The following JMJD1C variants were observed in gnomAD, a reference collection of about 807,000 sequenced individuals.
The protein encoded by JMJD1C is jumonji domain containing 1C.
JMJD1C carries 31 observed loss-of-function variants against 245.3 expected under a neutral mutation model. The observed-to-expected ratio is 0.13, with a 90% CI of 0.09 to 0.17. The LOEUF (loss-of-function observed/expected upper bound fraction) is 0.17, where lower values mean the gene tolerates loss of function less well. Among genes scored for constraint, JMJD1C ranks in the 10% least tolerant of loss-of-function variants. The pLI is 1.00. For synonymous variants in JMJD1C, 1,057 were observed against 1,017.4 expected (o/e 1.04, Z -0.74); for missense variants, 2,691 against 3,000.2 (o/e 0.90, Z 2.41).
chr10:63,177,891 A>C, intron 22 of JMJD1C, 35 bp from the exon 23 acceptor site: 1 of 1,604,448 alleles, frequency 6.2e-7, no homozygotes, highest in Non-Finnish European at 8.5e-7. Context: ...AATTGTCGGC[A>C]AAGAATACCA....
At chr10:63,472,693 T>C (rs1240446594) in intron 1 of JMJD1C, among the ~76,000 whole-genome samples, 1 of 152,224 alleles carries the variant, frequency 6.6e-6, no homozygotes, top group Non-Finnish European at 1.5e-5. Flanking sequence ...TATGCTAATA[T>C]ATTTATGTTG....
At chr10:63,244,845 A>C (rs1851968861) in intron 3 of JMJD1C, among the ~76,000 whole-genome samples, 1 of 151,438 alleles carries the variant, frequency 6.6e-6, no homozygotes. Context: ...GAACAATTAA[A>C]AGAAATTAAG....
In JMJD1C at chr10:63,226,961, G is replaced by A. The variant is rs141535516; in HGVS notation, c.448-6978C>T. 3.2e-3 allele frequency among the ~76,000 whole-genome samples: 490 copies of A among 152,144 alleles called. 2 individuals carry two copies. The highest frequency in any genetic ancestry group is 0.011 in the African/African-American group (472 of 41,504). ...TGCGCATCTATAATCCCAGCTACTC[G>A]GGAGGCTGAGGCAGGAGAATCCCTT... On this transcript the variant is annotated intron_variant, in intron 3 of 25. Coordinates refer to ENST00000399262, the MANE Select transcript of JMJD1C (RefSeq NM_032776.3).
In JMJD1C at chr10:63,214,690, A is replaced by G. The variant is rs746028406; in HGVS notation, c.1477T>C (p.Leu493=). 6.2e-7 allele frequency: 1 copy of G among 1,613,954 alleles called. No individual in the cohort carries two copies. Among genetic ancestry groups the G allele is most frequent in the Admixed American group, 1.7e-5 (1 of 60,012 alleles). Reference sequence around the variant, plus strand: ...GATACAAACTTCTCCTTTGGTAGCAATTCCATGGTATGTGTTTTATCCATA... The same window carrying G: ...GATACAAACTTCTCCTTTGGTAGCAGTTCCATGGTATGTGTTTTATCCATA... ...CNMDKTHTME[L]LPKEKFVSRP... The change falls in exon 8 of 26, where the codon TTG becomes CTG. Residue 493 remains leucine, a synonymous_variant. Transcript: ENST00000399262.
chr10:63,394,977 G>GA (rs1455411904), intron 1 of JMJD1C, among the ~76,000 whole-genome samples: 7 of 151,692 alleles, frequency 4.6e-5, no homozygotes, highest in Non-Finnish European at 1.0e-4. Flanking sequence ...TTTCACAAAA[G>GA]ACTTGTATCA....
chr10:63,206,393 G>T (rs1342637653), intron 10 of JMJD1C, among the ~76,000 whole-genome samples: 1 of 152,150 alleles, frequency 6.6e-6, no homozygotes, highest in African/African-American at 2.4e-5. Context: ...AAAAATAGAG[G>T]AATAAGTGTT....
At chr10:63,363,938 C>T (rs1283370021) in intron 2 of JMJD1C, among the ~76,000 whole-genome samples, 1 of 151,558 alleles carries the variant, frequency 6.6e-6, no homozygotes, top group Non-Finnish European at 1.5e-5. Context: ...TCACTACAGC[C>T]TCCACCTCCC....
chr10:63,459,059 G>C (rs1007273260), intron 1 of JMJD1C, among the ~76,000 whole-genome samples: 1 of 152,140 alleles, frequency 6.6e-6, no homozygotes, highest in Admixed American at 6.5e-5. Context: ...TGGTAATATA[G>C]TACAAGTCCT....
At chr10:63,470,594 G>A (rs1390931835), upstream of JMJD1C, among the ~76,000 whole-genome samples, 5 of 152,108 alleles carry the variant, frequency 3.3e-5, no homozygotes, top group African/African-American at 9.7e-5. Flanking sequence ...ACCCAAAAAT[G>A]ATCCTATGAG....
At chr10:63,362,307 A>T (rs1017180686) in intron 2 of JMJD1C, among the ~76,000 whole-genome samples, 1 of 151,872 alleles carries the variant, frequency 6.6e-6, no homozygotes, top group Non-Finnish European at 1.5e-5. Context: ...CTTTTAATTC[A>T]TAACTAAAGT....
intron 2 of JMJD1C, among the ~76,000 whole-genome samples, chr10:63,348,979 T>C (rs1422371985): frequency 6.6e-6 from 1 of 151,522 alleles, no homozygotes; most frequent in East Asian, 1.9e-4. Flanking sequence ...CAGGTGCCTG[T>C]AATCCTAGCT....
At chr10:63,233,929 C>T (rs745834408) in intron 3 of JMJD1C, among the ~76,000 whole-genome samples, 3 of 151,804 alleles carry the variant, frequency 2.0e-5, no homozygotes, top group Non-Finnish European at 4.4e-5. Context: ...GAAAAAGAAA[C>T]ATTTAAGATG....
At chr10:63,465,379 G>A (rs1953146666) in intron 1 of JMJD1C, 116 bp downstream of exon 1, 2 of 1,099,738 alleles carry the variant, frequency 1.8e-6, no homozygotes, top group Admixed American at 2.7e-5. Flanking sequence ...TCAGCAGAGG[G>A]GCGTGACCGC....
At chr10:63,379,296 T>C (rs1456271463) in intron 2 of JMJD1C, among the ~76,000 whole-genome samples, 1 of 152,114 alleles carries the variant, frequency 6.6e-6, no homozygotes, top group Non-Finnish European at 1.5e-5. Context: ...ATATATTTCT[T>C]TGATAGTAAC....
chr10:63,485,506 T>C (rs1415546859), intron 1 of JMJD1C, among the ~76,000 whole-genome samples: 1 of 152,212 alleles, frequency 6.6e-6, no homozygotes, highest in African/African-American at 2.4e-5. Flanking sequence ...TCTAAGCATG[T>C]GTGACAGTTT....
At chr10:63,366,802 C>T (rs1369160848) in intron 2 of JMJD1C, among the ~76,000 whole-genome samples, 2 of 152,090 alleles carry the variant, frequency 1.3e-5, no homozygotes, top group Non-Finnish European at 2.9e-5. Context: ...CTCCTGGGTG[C>T]CTGGGTCACT....
chr10:63,255,681 TCAAA>T (rs1417011930), intron 3 of JMJD1C, among the ~76,000 whole-genome samples: 1 of 151,674 alleles, frequency 6.6e-6, no homozygotes, highest in Non-Finnish European at 1.5e-5. Context: ...GTTAGACTTC[TCAAA>T]CAGTTGTGTG....
At chr10:63,181,903 C>T (rs571405001) in intron 22 of JMJD1C, among the ~76,000 whole-genome samples, 1 of 152,264 alleles carries the variant, frequency 6.6e-6, no homozygotes, top group South Asian at 2.1e-4. Flanking sequence ...AGCGCTCAGA[C>T]AATAACTCAA....
chr10:63,335,232 T>C (rs10740116), intron 2 of JMJD1C, among the ~76,000 whole-genome samples: 64,113 of 151,270 alleles, frequency 0.42, 14,143 homozygotes, highest in South Asian at 0.53. Context: ...TGAATGTTGT[T>C]ATCAGAGAAT....
Sources: gnomAD v4.1 joint callset for allele counts (sites outside exome capture counted in the v4.1 genomes callset) on GRCh38, gnomAD v4.1.1 for gene constraint, MANE v1.5 for transcripts, NCBI Gene and HGNC (gene_info 2026-07-23, HGNC 2026-07-21) for gene names.